ADRA1B: variants seen among roughly 807,000 people sequenced by gnomAD.
ADRA1B encodes alpha-1B adrenergic receptor.
ADRA1B carries 17 observed loss-of-function variants against 17.9 expected under a neutral mutation model. That is an observed-to-expected ratio of 0.95 (90% confidence interval 0.65 to 1.42). The LOEUF (loss-of-function observed/expected upper bound fraction) is 1.42. ADRA1B is among the 40% of genes most tolerant of loss of function. The pLI, the probability that ADRA1B is intolerant of heterozygous loss-of-function variation, is 0.00. For synonymous variants in ADRA1B, 366 were observed against 327.6 expected, an observed-to-expected ratio of 1.12 and a Z score of -1.27; for missense variants, 681 against 722.1, an observed-to-expected ratio of 0.94 and a Z score of 0.65.
intron 1 of ADRA1B, among the ~76,000 whole-genome samples, chr5:159,961,345 A>C (rs202081237): frequency 0.019 from 2,895 of 152,330 alleles, 52 homozygotes; most frequent in East Asian, 0.11. Context: ...GAGTTGTTGC[A>C]AAAGGTGGCT....
At chr5:159,935,911 G>A (rs1754943270) in intron 1 of ADRA1B, among the ~76,000 whole-genome samples, 1 of 152,170 alleles carries the variant, frequency 6.6e-6, no homozygotes, top group South Asian at 2.1e-4. Flanking sequence ...CTGAGGCTCT[G>A]GATTGTCAGT....
chr5:159,884,483 C>T (rs1405030519), intron 1 of ADRA1B, among the ~76,000 whole-genome samples: 1 of 152,170 alleles, frequency 6.6e-6, no homozygotes, highest in Non-Finnish European at 1.5e-5. Context: ...TTTCCACTTC[C>T]ACCATGAGAT....
intron 1 of ADRA1B, among the ~76,000 whole-genome samples, chr5:159,886,897 A>G (rs1561582685): frequency 6.6e-6 from 1 of 152,170 alleles, no homozygotes; most frequent in Non-Finnish European, 1.5e-5. Flanking sequence ...ATATATATAC[A>G]TGGTTGTGGG....
intron 1 of ADRA1B, among the ~76,000 whole-genome samples, chr5:159,898,488 T>A (rs901371811): frequency 2.6e-5 from 4 of 152,200 alleles, no homozygotes; most frequent in Non-Finnish European, 5.9e-5. Context: ...CTAATGTATG[T>A]TTGGAAACTA....
chr5:159,925,329 A>G (rs1754615213), intron 1 of ADRA1B, among the ~76,000 whole-genome samples: 1 of 152,186 alleles, frequency 6.6e-6, no homozygotes, highest in Non-Finnish European at 1.5e-5. Flanking sequence ...ATAAGTCAAA[A>G]TTTCTCTTGT....
intron 1 of ADRA1B, among the ~76,000 whole-genome samples, chr5:159,910,536 C>G (rs1754217433): frequency 6.6e-6 from 1 of 152,154 alleles, no homozygotes. Context: ...GAAAGGTTAA[C>G]AAATTTTTTC....
intron 1 of ADRA1B, among the ~76,000 whole-genome samples, chr5:159,873,852 T>A (rs76947177): frequency 0.02 from 3,079 of 152,034 alleles, 88 homozygotes; most frequent in African/African-American, 0.07. Context: ...CACTCCATCA[T>A]TTTTTTTGAT....
At chr5:159,923,266 C>T (rs1036063528) in intron 1 of ADRA1B, among the ~76,000 whole-genome samples, 13 of 152,218 alleles carry the variant, frequency 8.5e-5, no homozygotes, top group African/African-American at 3.1e-4. Flanking sequence ...CAGCAGGGTT[C>T]GAAGCAGATG....
chr5:159,868,652 T>C (rs1289007147), intron 1 of ADRA1B: 2 of 152,224 alleles, frequency 1.3e-5, no homozygotes, highest in Non-Finnish European at 2.9e-5. Context: ...ATGCAGTCTA[T>C]GGGTGGCATA....
intron 1 of ADRA1B, among the ~76,000 whole-genome samples, chr5:159,887,838 A>G (rs2113098381): frequency 6.6e-6 from 1 of 152,152 alleles, no homozygotes; most frequent in South Asian, 2.1e-4. Flanking sequence ...ACTATGCTCC[A>G]TGGAGCCCTA....
downstream of ADRA1B, among the ~76,000 whole-genome samples, chr5:159,977,026 G>A (rs143997111): frequency 1.2e-3 from 188 of 152,334 alleles, 1 homozygote; most frequent in Middle Eastern, 3.4e-3. Flanking sequence ...GCACAGAGTA[G>A]ACACTATTTT....
At chr5:159,942,237 T>A (rs1239821681) in intron 1 of ADRA1B, among the ~76,000 whole-genome samples, 1 of 152,168 alleles carries the variant, frequency 6.6e-6, no homozygotes, top group African/African-American at 2.4e-5. Flanking sequence ...CTGGGTTTTT[T>A]TAGGGGGTGA....
chr5:159,983,451 C>A, the ADRA1B span, among the ~76,000 whole-genome samples: 2 of 152,230 alleles, frequency 1.3e-5, no homozygotes, highest in Non-Finnish European at 2.9e-5. Context: ...GTCTCTCACT[C>A]TCATTACTAA....
chr5:159,926,341 G>A (rs1754648651), intron 1 of ADRA1B, among the ~76,000 whole-genome samples: 1 of 151,968 alleles, frequency 6.6e-6, no homozygotes, highest in Non-Finnish European at 1.5e-5. Context: ...CTGGTTTATG[G>A]TGCTTGTCAT....
chr5:159,971,310 A>G (rs1396962923), intron 1 of ADRA1B, among the ~76,000 whole-genome samples: 1 of 152,154 alleles, frequency 6.6e-6, no homozygotes, highest in Non-Finnish European at 1.5e-5. Flanking sequence ...ATATCTTCTC[A>G]GATTCTTGCC....
chr5:159,927,346 T>G (rs1282547587), intron 1 of ADRA1B, among the ~76,000 whole-genome samples: 2 of 142,952 alleles, frequency 1.4e-5, no homozygotes, highest in African/African-American at 5.3e-5. Context: ...CCTAAGGTAT[T>G]GAAAAGGGAA....
chr5:159,870,962 T>G (rs1468105913), intron 1 of ADRA1B: 1 of 152,188 alleles, frequency 6.6e-6, no homozygotes, highest in Non-Finnish European at 1.5e-5. Context: ...ATGAAAACCA[T>G]GAAATCTTCC....
rs535109964 is a variant in ADRA1B at position 159,972,899 on chromosome 5, G to A, written c.*407G>A. On this transcript the variant is annotated 3_prime_UTR_variant, in exon 2 of 2. Transcript: ENST00000306675. ...CTGTGCGCCCAGGAGGCAACCGGGG[G>A]CGTTGTGTGTGTCGTGACTTCGTAC... Among the ~76,000 whole-genome samples the A allele has an allele frequency of 1.2e-3, 180 of 152,362 alleles. No individual in the cohort carries two copies. The highest frequency in any genetic ancestry group is 4.2e-3 in the African/African-American group (176 of 41,592).
At chr5:159,867,580 C>T (rs1466721596) in intron 1 of ADRA1B, among the ~76,000 whole-genome samples, 3 of 152,164 alleles carry the variant, frequency 2.0e-5, no homozygotes, top group African/African-American at 7.2e-5. Flanking sequence ...AAGTATTTTA[C>T]AGCAAGTGGG....
Sources: allele counts gnomAD v4.1 joint callset (sites outside exome capture counted in the v4.1 genomes callset), GRCh38; gene constraint gnomAD v4.1.1; transcripts MANE v1.5; gene names NCBI Gene and HGNC (gene_info 2026-07-23, HGNC 2026-07-21).